CYP20A1: variants seen among roughly 807,000 people sequenced by gnomAD.
CYP20A1 encodes the protein cytochrome P450 20A1.
In CYP20A1, 61 loss-of-function variants were observed where a neutral mutation model predicts 61.4. The ratio of observed to expected loss-of-function variants is 0.99; its 90% CI spans 0.81 to 1.23. The LOEUF (loss-of-function observed/expected upper bound fraction) is 1.23. Among genes scored for constraint, CYP20A1 ranks in the 50% most tolerant of loss-of-function variants. The pLI, the probability that CYP20A1 is intolerant of heterozygous loss-of-function variation, is 0.00. For missense variants in CYP20A1, 530 were observed against 542.4 expected (o/e 0.98, Z 0.23); for synonymous variants, 193 against 188.2 (o/e 1.03, Z -0.21).
chr2:203,245,994 C>T, intron 2 of CYP20A1, 99 bp downstream of exon 2: 3 of 796,372 alleles, frequency 3.8e-6, no homozygotes, highest in Non-Finnish European at 6.0e-6. Flanking sequence ...CTGTTGCCAG[C>T]TACTGAGGAG....
At position 203,300,235 on chromosome 2, in the gene CYP20A1, G is replaced by C. The variant is rs1174277879; in HGVS notation, c.*3327G>C. ...GAGCATAGAGGAATCAGCTAAATTAGTATGTTTTATCCATAGTTACATGAC... is the reference window on the plus strand; with the variant it reads ...GAGCATAGAGGAATCAGCTAAATTACTATGTTTTATCCATAGTTACATGAC... On this transcript the variant is annotated 3_prime_UTR_variant, in exon 13 of 13. Transcript: ENST00000356079. 6.6e-6 allele frequency among the ~76,000 whole-genome samples: 1 copy of C among 152,178 alleles called. No homozygotes were observed. The highest frequency in any genetic ancestry group is 2.4e-5 in the African/African-American group (1 of 41,444).
intron 4 of CYP20A1, chr2:203,259,608 G>A (rs1232046054): frequency 6.6e-6 from 1 of 151,966 alleles, no homozygotes; most frequent in Non-Finnish European, 1.5e-5. Context: ...GTCGCAGCCG[G>A]GCACAGTGGC....
intron 3 of CYP20A1, among the ~76,000 whole-genome samples, chr2:203,251,717 C>T (rs987083370): frequency 7.1e-6 from 1 of 141,510 alleles, no homozygotes; most frequent in East Asian, 2.0e-4. Context: ...TGCAGTGAGC[C>T]GAGATCATGA....
chr2:203,290,993 A>T (rs1339340255), intron 10 of CYP20A1, among the ~76,000 whole-genome samples: 3 of 151,924 alleles, frequency 2.0e-5, no homozygotes, highest in African/African-American at 7.3e-5. Flanking sequence ...GATTGACATT[A>T]TTTTTTTTAA....
chr2:203,278,565 T>A lies in CYP20A1; in HGVS notation c.680-8T>A. ...GTATTCTAAAATTATTTTGTTTTTTTCTCTAAGCCCTCATGCAACTGGAGT... is the reference window on the plus strand; with the variant it reads ...GTATTCTAAAATTATTTTGTTTTTTACTCTAAGCCCTCATGCAACTGGAGT... On this transcript the variant is annotated splice_region_variant and splice_polypyrimidine_tract_variant and intron_variant, in intron 6 of 12. Coordinates refer to ENST00000356079, the MANE Select transcript of CYP20A1 (RefSeq NM_177538.3). 1 of 1,456,468 alleles carries A rather than the reference T, an allele frequency of 6.9e-7. No homozygotes were observed. The highest frequency in any genetic ancestry group is 2.3e-5 in the East Asian group (1 of 42,982). 90.2% of individuals were successfully genotyped at this position (1,456,468 alleles called of 1,614,324 possible).
chr2:203,243,841 A>G (rs1254941061), intron 1 of CYP20A1, among the ~76,000 whole-genome samples: 1 of 151,336 alleles, frequency 6.6e-6, no homozygotes, highest in Non-Finnish European at 1.5e-5. Flanking sequence ...AGTGCTGGCC[A>G]CTGCACCCGG....
intron 5 of CYP20A1, among the ~76,000 whole-genome samples, chr2:203,272,039 G>C (rs544630817): frequency 1.4e-4 from 21 of 152,198 alleles, no homozygotes; most frequent in African/African-American, 5.1e-4. Context: ...CGTGGGGGAA[G>C]AAAAAATGAG....
intron 4 of CYP20A1, among the ~76,000 whole-genome samples, chr2:203,263,254 G>T (rs1162997149): frequency 6.6e-6 from 1 of 150,466 alleles, no homozygotes; most frequent in African/African-American, 2.4e-5. Flanking sequence ...CTCCCAAAGT[G>T]CTGGGATTAC....
intron 11 of CYP20A1, among the ~76,000 whole-genome samples, chr2:203,295,006 A>G (rs13034110): frequency 0.9 from 110,061 of 121,768 alleles, 50,120 homozygotes; most frequent in Non-Finnish European, 0.96. Context: ...AGGCTGGAGT[A>G]CAGTGGCGCG....
chr2:203,284,367 A>G (rs1028555050), intron 8 of CYP20A1, among the ~76,000 whole-genome samples: 4 of 152,106 alleles, frequency 2.6e-5, no homozygotes, highest in Non-Finnish European at 4.4e-5. Flanking sequence ...GAGGTAGTAT[A>G]TATGTTCAGA....
At chr2:203,249,287 C>T (rs568612708) in intron 3 of CYP20A1, among the ~76,000 whole-genome samples, 5 of 152,134 alleles carry the variant, frequency 3.3e-5, no homozygotes, top group African/African-American at 1.2e-4. Context: ...AGCCGAGGTG[C>T]GAAGATCGCT....
chr2:203,279,997 C>T, intron 7 of CYP20A1, 62 bp from the exon 8 acceptor site: 1 of 1,031,054 alleles, frequency 9.7e-7, no homozygotes, highest in Non-Finnish European at 1.4e-6. Context: ...ATTATTTTAG[C>T]AGGGCCTAAT....
intron 10 of CYP20A1, among the ~76,000 whole-genome samples, chr2:203,290,417 C>T (rs536574220): frequency 1.3e-5 from 2 of 152,082 alleles, no homozygotes; most frequent in East Asian, 3.9e-4. Flanking sequence ...TTTTATAGAC[C>T]TATTTCTGTG....
rs1018097527 is a variant in CYP20A1, at chr2:203,299,447, G to A, written c.*2539G>A. Among the ~76,000 whole-genome samples, 3 of 151,576 alleles carry A rather than the reference G, an allele frequency of 2.0e-5. No homozygotes were observed. Among genetic ancestry groups the A allele is most frequent in the African/African-American group, 7.3e-5 (3 of 41,252 alleles). ...ATCTCTTAAAAAAAAAAATCCCTTT[G>A]TTGTTGAGTTATTTTATGTCATTTA... On this transcript the variant is annotated 3_prime_UTR_variant, in exon 13 of 13. Transcript: ENST00000356079.
intron 1 of CYP20A1, among the ~76,000 whole-genome samples, chr2:203,243,718 C>G: frequency 7.9e-6 from 1 of 127,084 alleles, no homozygotes; most frequent in Admixed American, 9.5e-5. Flanking sequence ...GAGACAGGGT[C>G]TCACTCTGTC....
Position 203,260,137 on chromosome 2 carries a change from G to C in CYP20A1, c.433-6377G>C, listed in dbSNP as rs561344249. 1.4e-4 allele frequency among the ~76,000 whole-genome samples: 21 copies of C among 152,106 alleles called. 1 individual carries two copies. The highest frequency in any genetic ancestry group is 5.1e-4 in the African/African-American group (21 of 41,522). ...AGACAGGGTTTCACCATGTTGGTCA[G>C]GCTGGTCTTGAACTCCTGACCTCAG... On this transcript the variant is annotated intron_variant, in intron 4 of 12. Transcript: ENST00000356079.
rs938787138 is a variant in CYP20A1, at chr2:203,298,054, A to G, written c.*1146A>G. ...ACAGCTTTTATAGGATAGTATGGCT[A>G]ACAAACTTTTAGAAAAGTGTTTAGT... On this transcript the variant is annotated 3_prime_UTR_variant, in exon 13 of 13. Transcript: ENST00000356079. The G allele has an allele frequency of 1.3e-5, 2 of 152,560 alleles. No homozygotes were observed. Among genetic ancestry groups the G allele is most frequent in the African/African-American group, 4.8e-5 (2 of 41,454 alleles). 9.5% of individuals were successfully genotyped at this position (152,560 alleles called of 1,614,324 possible). A position where few individuals can be genotyped will look rare whatever the true frequency, so the allele number is the denominator to read the frequency against.
chr2:203,292,233 T>C, intron 10 of CYP20A1, 29 bp from the exon 11 acceptor site: 1 of 1,558,674 alleles, frequency 6.4e-7, no homozygotes, highest in Non-Finnish European at 8.8e-7. Context: ...CTGTTAGTCC[T>C]TGACTAATTG....
intron 4 of CYP20A1, among the ~76,000 whole-genome samples, chr2:203,262,411 A>G (rs1374763058): frequency 6.6e-6 from 1 of 152,132 alleles, no homozygotes; most frequent in East Asian, 1.9e-4. Flanking sequence ...TCGGGGCAAT[A>G]CATTTGTAAC....
Sources: allele counts gnomAD v4.1 joint callset (sites outside exome capture counted in the v4.1 genomes callset), GRCh38; gene constraint gnomAD v4.1.1; transcripts MANE v1.5; gene names NCBI Gene and HGNC (gene_info 2026-07-23, HGNC 2026-07-21).